The following ADGRA3 variants were observed in gnomAD, a reference collection of about 807,000 sequenced individuals.
The protein encoded by ADGRA3 is G-protein coupled receptor 125.
In ADGRA3, 56 loss-of-function variants were observed where a neutral mutation model predicts 119.8. The observed-to-expected ratio is 0.47, with a 90% CI of 0.38 to 0.58. ADGRA3 has a LOEUF of 0.58. ADGRA3 is among the 20% of genes least tolerant of loss of function. ADGRA3 has a pLI of 0.00. For synonymous variants in ADGRA3, 607 were observed against 623.8 expected, an observed-to-expected ratio of 0.97 and a Z score of 0.40; for missense variants, 1,516 against 1,649.0, an observed-to-expected ratio of 0.92 and a Z score of 1.40.
chr4:22,475,538 T>C (rs1029938657), intron 1 of ADGRA3, among the ~76,000 whole-genome samples: 14 of 152,152 alleles, frequency 9.2e-5, no homozygotes, highest in Admixed American at 7.8e-4. Context: ...CCATCCTGGC[T>C]AAAACGGTGA....
chr4:22,449,779 G>A (rs1424787142), intron 4 of ADGRA3, among the ~76,000 whole-genome samples: 1 of 151,836 alleles, frequency 6.6e-6, no homozygotes, highest in African/African-American at 2.4e-5. Flanking sequence ...AAGGCTAAGC[G>A]GAGGTGACAG....
intron 3 of ADGRA3, among the ~76,000 whole-genome samples, chr4:22,457,231 G>A (rs2109095563): frequency 6.6e-6 from 1 of 152,304 alleles, no homozygotes; most frequent in East Asian, 1.9e-4. Context: ...ACTTCTGATA[G>A]TATATTCTTC....
At chr4:22,424,486 C>A (rs548935012) in intron 10 of ADGRA3, 134 bp from the exon 11 acceptor site, 390 of 884,450 alleles carry the variant, frequency 4.4e-4, no homozygotes, top group Non-Finnish European at 6.5e-4. Flanking sequence ...AGGCACTTTA[C>A]TTGTTTCTCA....
chr4:22,480,165 G>A (rs1718216298), intron 1 of ADGRA3, among the ~76,000 whole-genome samples: 1 of 152,096 alleles, frequency 6.6e-6, no homozygotes, highest in Admixed American at 6.5e-5. Flanking sequence ...GCCAAACAAA[G>A]AAGAAAGAAA....
chr4:22,420,815 G>T, intron 12 of ADGRA3, 71 bp downstream of exon 12: 4 of 1,417,494 alleles, frequency 2.8e-6, no homozygotes, highest in South Asian at 2.4e-5. Flanking sequence ...AGGTTATTTT[G>T]CGAAGCAGAA....
intron 12 of ADGRA3, among the ~76,000 whole-genome samples, chr4:22,417,232 T>C (rs1019745260): frequency 1.3e-5 from 2 of 152,208 alleles, no homozygotes; most frequent in African/African-American, 2.4e-5. Context: ...TGTTTGCTAA[T>C]TAAGTTTGGC....
chr4:22,489,250 T>C (rs61793370), intron 1 of ADGRA3, among the ~76,000 whole-genome samples: 1 of 151,906 alleles, frequency 6.6e-6, no homozygotes, highest in Non-Finnish European at 1.5e-5. Flanking sequence ...AGAACAGTTA[T>C]GGAGGAAACA....
chr4:22,430,903 A>G (rs1339782255), intron 10 of ADGRA3, among the ~76,000 whole-genome samples: 1 of 152,190 alleles, frequency 6.6e-6, no homozygotes. Context: ...TGCTCCAGCC[A>G]TGACTAAAAG....
chr4:22,437,584 C>T (rs565656678), intron 8 of ADGRA3, among the ~76,000 whole-genome samples: 1 of 152,206 alleles, frequency 6.6e-6, no homozygotes, highest in East Asian at 1.9e-4. Context: ...TCTTAAAGCA[C>T]CTTTGAAAGT....
chr4:22,405,107 A>C (rs1463400594), intron 14 of ADGRA3, among the ~76,000 whole-genome samples: 1 of 152,208 alleles, frequency 6.6e-6, no homozygotes, highest in Non-Finnish European at 1.5e-5. Flanking sequence ...GGTAGAAGAA[A>C]GGTGGTAAAA....
At chr4:22,397,320 T>C (rs1027144187) in intron 16 of ADGRA3, among the ~76,000 whole-genome samples, 1 of 151,888 alleles carries the variant, frequency 6.6e-6, no homozygotes, top group African/African-American at 2.4e-5. Context: ...TACCTGGGAC[T>C]ACAGGCGAGC....
intron 1 of ADGRA3, among the ~76,000 whole-genome samples, chr4:22,490,533 C>T (rs1158786790): frequency 6.6e-6 from 1 of 151,974 alleles, no homozygotes; most frequent in African/African-American, 2.4e-5. Context: ...ATTTGAGCAA[C>T]TATTGTGTCC....
intron 9 of ADGRA3, among the ~76,000 whole-genome samples, 186 bp from the exon 10 acceptor site, chr4:22,435,652 AG>A (rs1462877648): frequency 1.3e-5 from 2 of 152,144 alleles, no homozygotes; most frequent in East Asian, 3.9e-4. Context: ...AACTCACTGG[AG>A]GGAAATTTTT....
At chr4:22,473,681 C>T in intron 2 of ADGRA3, 91 bp downstream of exon 2, 1 of 712,206 alleles carries the variant, frequency 1.4e-6, no homozygotes, top group Non-Finnish European at 2.2e-6. Context: ...TTTTGAATAG[C>T]TGGGAATTTA....
chr4:22,426,284 T>A (rs1195706269), intron 10 of ADGRA3, among the ~76,000 whole-genome samples: 1 of 152,176 alleles, frequency 6.6e-6, no homozygotes, highest in East Asian at 1.9e-4. Context: ...GTTTTCTGAC[T>A]TTTTACTGCC....
intron 1 of ADGRA3, among the ~76,000 whole-genome samples, chr4:22,479,442 G>A (rs1197518505): frequency 3.3e-5 from 5 of 150,140 alleles, no homozygotes; most frequent in Admixed American, 6.7e-5. Flanking sequence ...CAGCCTGGGC[G>A]ACAGAGCGAG....
chr4:22,416,399 G>C (rs1265661899), intron 12 of ADGRA3, among the ~76,000 whole-genome samples: 1 of 152,150 alleles, frequency 6.6e-6, no homozygotes, highest in Admixed American at 6.5e-5. Context: ...ATACCATGTA[G>C]AGAACATGAG....
chr4:22,493,932 C>T (rs1207549973), intron 1 of ADGRA3, among the ~76,000 whole-genome samples: 1 of 152,054 alleles, frequency 6.6e-6, no homozygotes, highest in African/African-American at 2.4e-5. Flanking sequence ...GGGCCAGGCG[C>T]GGTGGCTCAC....
At chr4:22,428,050 G>A (rs1716012873) in intron 10 of ADGRA3, among the ~76,000 whole-genome samples, 1 of 152,160 alleles carries the variant, frequency 6.6e-6, no homozygotes, top group Non-Finnish European at 1.5e-5. Flanking sequence ...TGGCTTGGAA[G>A]TTTTATCAAA....
Sources: allele counts gnomAD v4.1 joint callset (sites outside exome capture counted in the v4.1 genomes callset), GRCh38; gene constraint gnomAD v4.1.1; transcripts MANE v1.5; gene names NCBI Gene and HGNC (gene_info 2026-07-23, HGNC 2026-07-21).